Variants in GRM7 observed in about 807,000 individuals in gnomAD.
GRM7 encodes the protein metabotropic glutamate receptor 7.
A neutral mutation model predicts 84.5 loss-of-function variants in GRM7; 35 were observed. The ratio of observed to expected loss-of-function variants is 0.41; its 90% CI spans 0.32 to 0.55. The LOEUF (loss-of-function observed/expected upper bound fraction) is 0.55. Among genes scored for constraint, GRM7 ranks in the 20% least tolerant of loss-of-function variants. GRM7 has a pLI of 0.19. For synonymous variants in GRM7, 487 were observed against 455.1 expected (o/e 1.07, Z -0.89); for missense variants, 1,003 against 1,194.6 (o/e 0.84, Z 2.36).
chr3:6,919,857 A>G (rs992143203), intron 1 of GRM7, among the ~76,000 whole-genome samples: 4 of 152,158 alleles, frequency 2.6e-5, no homozygotes, highest in Non-Finnish European at 4.4e-5. Flanking sequence ...TAGCTTTTTC[A>G]TACAGGAATG....
intron 9 of GRM7, among the ~76,000 whole-genome samples, chr3:7,708,455 G>T (rs1701469691): frequency 6.6e-6 from 1 of 152,186 alleles, no homozygotes; most frequent in Non-Finnish European, 1.5e-5. Context: ...GGCAGTCAGA[G>T]GAGGCTTCCT....
chr3:7,310,557 A>G (rs111710866), intron 4 of GRM7, among the ~76,000 whole-genome samples: 41 of 152,278 alleles, frequency 2.7e-4, no homozygotes, highest in African/African-American at 9.1e-4. Context: ...ATGGGGAAAA[A>G]AAATGAGAAA....
At chr3:7,647,345 TA>T (rs1698694690) in intron 8 of GRM7, among the ~76,000 whole-genome samples, 1 of 152,174 alleles carries the variant, frequency 6.6e-6, no homozygotes, top group African/African-American at 2.4e-5. Context: ...TTTTTTGCTG[TA>T]GCCCACCTTG....
At chr3:7,526,516 A>G (rs1258378138) in intron 7 of GRM7, among the ~76,000 whole-genome samples, 2 of 151,862 alleles carry the variant, frequency 1.3e-5, no homozygotes, top group Non-Finnish European at 2.9e-5. Context: ...TTTGCTGTGC[A>G]AAAGTTCTTT....
intron 7 of GRM7, among the ~76,000 whole-genome samples, chr3:7,527,135 A>G (rs1043271260): frequency 6.6e-6 from 1 of 152,048 alleles, no homozygotes; most frequent in African/African-American, 2.4e-5. Context: ...CATTTTAACA[A>G]TATCCATTCT....
Position 7,673,808 on chromosome 3 carries a change from C to G in GRM7, c.2452-6241C>G, listed in dbSNP as rs540798722. Reference sequence around the variant, plus strand: ...GCAAGCAGCAGCTTACCGTGTTCACCTAGTGTTTCTTGCAGAAGAAATCAC... The same window carrying G: ...GCAAGCAGCAGCTTACCGTGTTCACGTAGTGTTTCTTGCAGAAGAAATCAC... On this transcript the variant is annotated intron_variant, in intron 8 of 9. Transcript: ENST00000357716. Among the ~76,000 whole-genome samples, 4 of 152,306 alleles carry G rather than the reference C, an allele frequency of 2.6e-5. No individual in the cohort carries two copies. In the South Asian group the frequency reaches 8.3e-4, roughly 32 times the overall value.
At chr3:6,891,781 C>A (rs892973327) in intron 1 of GRM7, among the ~76,000 whole-genome samples, 1 of 152,120 alleles carries the variant, frequency 6.6e-6, no homozygotes, top group Admixed American at 6.6e-5. Flanking sequence ...TGTTGGCCTG[C>A]CTTGCTAGAT....
intron 8 of GRM7, among the ~76,000 whole-genome samples, chr3:7,589,163 C>T (rs1559423471): frequency 6.6e-6 from 1 of 152,206 alleles, no homozygotes; most frequent in Non-Finnish European, 1.5e-5. Flanking sequence ...TGGTGTTACA[C>T]CAAATGCCAG....
rs186896090 is a variant in GRM7 at position 7,161,492 on chromosome 3, T to A, written c.736+14824T>A. On this transcript the variant is annotated intron_variant, in intron 2 of 9. Coordinates refer to ENST00000357716, the MANE Select transcript of GRM7 (RefSeq NM_000844.4). Reference sequence around the variant, plus strand: ...CTAGTTTCCATTTTTGTGTTTATACTACAGGAATAAAACCAGTTCCTTCCT... The same window carrying A: ...CTAGTTTCCATTTTTGTGTTTATACAACAGGAATAAAACCAGTTCCTTCCT... 9.2e-5 allele frequency among the ~76,000 whole-genome samples: 14 copies of A among 151,798 alleles called. No individual in the cohort carries two copies. The East Asian group carries it at 2.7e-3, about 29-fold the overall frequency.
At chr3:7,197,345 T>C (rs962847458) in intron 2 of GRM7, among the ~76,000 whole-genome samples, 4 of 152,222 alleles carry the variant, frequency 2.6e-5, no homozygotes, top group African/African-American at 9.6e-5. Flanking sequence ...CTTTTCAATA[T>C]TTAAAGACAT....
At chr3:7,022,019 T>C (rs1055992089) in intron 1 of GRM7, among the ~76,000 whole-genome samples, 2 of 152,068 alleles carry the variant, frequency 1.3e-5, no homozygotes, top group Non-Finnish European at 2.9e-5. Context: ...GACTATAAAA[T>C]AGACATACAA....
At chr3:7,198,346 G>A (rs1575020656) in intron 2 of GRM7, among the ~76,000 whole-genome samples, 1 of 152,074 alleles carries the variant, frequency 6.6e-6, no homozygotes, top group Non-Finnish European at 1.5e-5. Flanking sequence ...CTAATTTATA[G>A]TGATAGAATT....
chr3:7,397,195 C>T (rs1238452614), intron 4 of GRM7, among the ~76,000 whole-genome samples: 1 of 151,936 alleles, frequency 6.6e-6, no homozygotes, highest in Non-Finnish European at 1.5e-5. Flanking sequence ...AACTTATCAC[C>T]CAGGGAAGTT....
intron 1 of GRM7, among the ~76,000 whole-genome samples, chr3:6,894,870 T>C (rs1465954324): frequency 1.3e-5 from 2 of 152,206 alleles, no homozygotes; most frequent in African/African-American, 2.4e-5. Context: ...TGGAAGGTAT[T>C]GAAACATCTA....
chr3:7,374,949 C>G (rs149555734), intron 4 of GRM7, among the ~76,000 whole-genome samples: 115 of 152,168 alleles, frequency 7.6e-4, no homozygotes, highest in African/African-American at 2.8e-3. Context: ...AGGATGTTGC[C>G]AAACTCTGAA....
chr3:7,623,273 A>G lies in GRM7; in HGVS notation c.2451+43916A>G, dbSNP rs183719042. ...TGCAGCCATGGAGGGAATGAAGGAG[A>G]ACAGTGTGCAGAATTGAAGAGGGAC... On this transcript the variant is annotated intron_variant, in intron 8 of 9. Coordinates refer to ENST00000357716, the MANE Select transcript of GRM7 (RefSeq NM_000844.4). 4.9e-4 allele frequency among the ~76,000 whole-genome samples: 74 copies of G among 152,276 alleles called. 1 individual carries two copies. In the East Asian group the frequency reaches 0.011, roughly 22 times the overall value.
intron 7 of GRM7, among the ~76,000 whole-genome samples, chr3:7,548,008 A>G (rs1341236121): frequency 1.3e-5 from 2 of 152,226 alleles, no homozygotes. Context: ...GGGAAAGAAG[A>G]CAAGGCAGGC....
At chr3:6,907,838 C>G (rs1249238985) in intron 1 of GRM7, among the ~76,000 whole-genome samples, 6 of 152,102 alleles carry the variant, frequency 3.9e-5, no homozygotes, top group Non-Finnish European at 8.8e-5. Context: ...TCAGGGCAAG[C>G]ACACTTTTAA....
intron 1 of GRM7, among the ~76,000 whole-genome samples, chr3:6,945,047 G>C (rs1201754134): frequency 6.6e-6 from 1 of 151,658 alleles, no homozygotes. Context: ...TGATCAGTCT[G>C]ACTAGAATTT....
Sources: allele counts gnomAD v4.1 joint callset (sites outside exome capture counted in the v4.1 genomes callset), GRCh38; gene constraint gnomAD v4.1.1; transcripts MANE v1.5; gene names NCBI Gene and HGNC (gene_info 2026-07-23, HGNC 2026-07-21).